Variants in MSH3 observed in about 807,000 individuals in gnomAD.
The protein encoded by MSH3 is DNA mismatch repair protein Msh3.
In MSH3, 106 loss-of-function variants were observed where a neutral mutation model predicts 123.3. That is an observed-to-expected ratio of 0.86 (90% CI 0.73 to 1.01). The LOEUF is 1.01. MSH3 is among the 50% of genes least tolerant of loss of function. The pLI is 0.00. For missense variants in MSH3, 1,459 were observed against 1,347.6 expected (o/e 1.08, Z -1.29); for synonymous variants, 515 against 481.4 (o/e 1.07, Z -0.91).
At chr5:80,764,896 C>T (rs976885477) in intron 13 of MSH3, among the ~76,000 whole-genome samples, 2 of 152,164 alleles carry the variant, frequency 1.3e-5, no homozygotes. Flanking sequence ...AATAAGCCCA[C>T]AGCTGCATGT....
intron 17 of MSH3, among the ~76,000 whole-genome samples, chr5:80,784,229 AAAAAAAAAAAGG>A (rs1194996997): frequency 9.4e-5 from 13 of 138,232 alleles, no homozygotes; most frequent in African/African-American, 3.6e-4. Flanking sequence ...AAAAAAAAAA[AAAAAAAAAAAGG>A]GAAATAAATA....
Position 80,670,250 on chromosome 5 carries a change from G to A in MSH3, c.733G>A (p.Asp245Asn), listed in dbSNP as rs558080525. ...QYIEMKQQHK[D>N]AVLCVECGYK... ...CATAGAAATGAAGCAGCAGCACAAAGATGCAGTTTTGTGTGTGGAATGTGG... is the reference window on the plus strand; with the variant it reads ...CATAGAAATGAAGCAGCAGCACAAAAATGCAGTTTTGTGTGTGGAATGTGG... The change falls in exon 4 of 24, where the codon GAT becomes AAT. Residue 245 changes from aspartate to asparagine, a missense_variant. Asp to Asn is a conservative substitution (Grantham distance 23). Transcript: ENST00000265081. 14 of 1,614,124 alleles carry A rather than the reference G, an allele frequency of 8.7e-6. No individual in the cohort carries two copies. The highest frequency in any genetic ancestry group is 1.7e-4 in the Middle Eastern group (1 of 6,060).
intron 8 of MSH3, among the ~76,000 whole-genome samples, chr5:80,685,999 G>A (rs1561442082): frequency 6.6e-6 from 1 of 151,996 alleles, no homozygotes; most frequent in Non-Finnish European, 1.5e-5. Flanking sequence ...TTATTTCATT[G>A]TGGTCAGAGA....
rs191571422 is a variant in MSH3 at position 80,865,886 on chromosome 5, C to T, written c.3130+944C>T. On this transcript the variant is annotated intron_variant, in intron 22 of 23. Coordinates refer to ENST00000265081, the MANE Select transcript of MSH3 (RefSeq NM_002439.5). ...AGATAAATGTAATGTTAGGCAGTTC[C>T]TGCTTTTCACCACCATGCAATCTTG... Among the ~76,000 whole-genome samples, 12 of 152,312 alleles carry T rather than the reference C, an allele frequency of 7.9e-5. No individual in the cohort carries two copies. The East Asian group carries it at 2.3e-3, about 29-fold the overall frequency.
intron 3 of MSH3, 102 bp from the exon 4 acceptor site, chr5:80,669,995 T>C: frequency 1.9e-6 from 2 of 1,041,852 alleles, no homozygotes; most frequent in Non-Finnish European, 1.4e-6. Flanking sequence ...TTCATCTAGA[T>C]TCACTAAGTG....
intron 19 of MSH3, among the ~76,000 whole-genome samples, chr5:80,808,869 A>ATATATCTATATATATATC (rs1394085560): frequency 3.2e-5 from 4 of 126,516 alleles, no homozygotes; most frequent in Non-Finnish European, 4.8e-5. Context: ...ATATATATAT[A>ATATATCTATATATATATC]TATATATATA....
chr5:80,805,127 T>C (rs538558065), intron 19 of MSH3, among the ~76,000 whole-genome samples: 1 of 152,358 alleles, frequency 6.6e-6, no homozygotes, highest in South Asian at 2.1e-4. Flanking sequence ...TGTAACAACT[T>C]TCATCACATT....
At chr5:80,822,745 C>A (rs1034421584) in intron 20 of MSH3, among the ~76,000 whole-genome samples, 9 of 152,210 alleles carry the variant, frequency 5.9e-5, no homozygotes, top group Admixed American at 5.9e-4. Context: ...AGAGGCACCA[C>A]CCACACAGAA....
At chr5:80,718,606 T>C (rs1413149562) in intron 8 of MSH3, among the ~76,000 whole-genome samples, 1 of 151,910 alleles carries the variant, frequency 6.6e-6, no homozygotes, top group Non-Finnish European at 1.5e-5. Flanking sequence ...CTCTGTATTT[T>C]CTGTAAATTG....
chr5:80,807,306 G>A (rs979322005), intron 19 of MSH3, among the ~76,000 whole-genome samples: 1 of 151,354 alleles, frequency 6.6e-6, no homozygotes, highest in African/African-American at 2.4e-5. Flanking sequence ...AAATTCCTAT[G>A]TCATATTTCT....
At chr5:80,721,158 A>G (rs1751070963) in intron 8 of MSH3, among the ~76,000 whole-genome samples, 1 of 152,152 alleles carries the variant, frequency 6.6e-6, no homozygotes, top group South Asian at 2.1e-4. Context: ...ACAAAATATG[A>G]TTTTTTGAGG....
chr5:80,864,360 A>G (rs1746064434), intron 21 of MSH3, among the ~76,000 whole-genome samples: 1 of 152,116 alleles, frequency 6.6e-6, no homozygotes, highest in Non-Finnish European at 1.5e-5. Flanking sequence ...GATACTTGAT[A>G]CTTCAAAAAT....
At chr5:80,865,457 C>T (rs1191048201) in intron 22 of MSH3, among the ~76,000 whole-genome samples, 1 of 152,112 alleles carries the variant, frequency 6.6e-6, no homozygotes, top group Non-Finnish European at 1.5e-5. Flanking sequence ...TAGATGGGGG[C>T]TAAAATGAGC....
Position 80,654,958 on chromosome 5 carries a change from G to A in MSH3, c.231G>A (p.Pro77=), listed in dbSNP as rs1435823219. 6.8e-7 allele frequency: 1 copy of A among 1,470,480 alleles called. No individual in the cohort carries two copies. Among genetic ancestry groups the A allele is most frequent in the Non-Finnish European group, 9.0e-7 (1 of 1,112,832 alleles). 91.1% of individuals were successfully genotyped at this position (1,470,480 alleles called of 1,614,324 possible). The change falls in exon 1 of 24, where the codon CCG becomes CCA. Residue 77 remains proline, a synonymous_variant. Coordinates refer to ENST00000265081, the MANE Select transcript of MSH3 (RefSeq NM_002439.5). ...CCGCCTTCCCGCCCCAGCTGCCGCC[G>A]CACATAGTAGGTTCTGTCTGGGACT... ...PAPAFPPQLP[P]HIATEIDRRK...
chr5:80,696,589 T>C (rs1315369940), intron 8 of MSH3, among the ~76,000 whole-genome samples: 2 of 152,162 alleles, frequency 1.3e-5, no homozygotes, highest in Non-Finnish European at 2.9e-5. Context: ...GTTCCTCACA[T>C]CCCAAGTTCA....
intron 13 of MSH3, among the ~76,000 whole-genome samples, chr5:80,764,382 C>G (rs1023455708): frequency 6.8e-6 from 1 of 147,584 alleles, no homozygotes; most frequent in Non-Finnish European, 1.5e-5. Flanking sequence ...TCTTCTTCTT[C>G]TTTTTTTTTT....
intron 21 of MSH3, 133 bp downstream of exon 21, chr5:80,854,449 T>G: frequency 5.3e-6 from 4 of 754,028 alleles, no homozygotes; most frequent in Non-Finnish European, 8.7e-6. Context: ...ATGGAGTGAT[T>G]AAATTAACCT....
At chr5:80,859,165 G>A (rs2112112090) in intron 21 of MSH3, among the ~76,000 whole-genome samples, 2 of 152,154 alleles carry the variant, frequency 1.3e-5, no homozygotes, top group South Asian at 2.1e-4. Flanking sequence ...CTGTCACCCA[G>A]GCTGGAGTGC....
intron 17 of MSH3, among the ~76,000 whole-genome samples, chr5:80,781,212 T>C (rs541630535): frequency 6.6e-5 from 10 of 152,182 alleles, no homozygotes; most frequent in Admixed American, 2.0e-4. Flanking sequence ...GTCCTGGCTT[T>C]TTCCTTAGTA....
Sources: gnomAD v4.1 joint callset for allele counts (sites outside exome capture counted in the v4.1 genomes callset) on GRCh38, gnomAD v4.1.1 for gene constraint, MANE v1.5 for transcripts, NCBI Gene and HGNC (gene_info 2026-07-23, HGNC 2026-07-21) for gene names.